The following TRPC6 variants were observed in gnomAD, a reference collection of about 807,000 sequenced individuals.
TRPC6 encodes the protein short transient receptor potential channel 6.
TRPC6 carries 55 observed loss-of-function variants against 90.7 expected under a neutral mutation model. The observed-to-expected ratio is 0.61, with a 90% CI of 0.49 to 0.76. TRPC6 has a LOEUF of 0.76. Ranked by LOEUF, TRPC6 falls within the 30% of genes least tolerant of loss-of-function variation. TRPC6 has a pLI of 0.00. For missense variants in TRPC6, 989 were observed against 1,122.7 expected, an observed-to-expected ratio of 0.88 and a Z score of 1.70; for synonymous variants, 393 against 393.0, an observed-to-expected ratio of 1.00 and a Z score of 0.00.
At chr11:101,514,467 C>A (rs140231667) in intron 1 of TRPC6, among the ~76,000 whole-genome samples, 14 of 152,172 alleles carry the variant, frequency 9.2e-5, no homozygotes, top group Admixed American at 2.0e-4. Flanking sequence ...AGACTCAGCC[C>A]GCAGGCAGAG....
intron 1 of TRPC6, among the ~76,000 whole-genome samples, chr11:101,576,678 G>A (rs1316894212): frequency 6.6e-6 from 1 of 152,148 alleles, no homozygotes; most frequent in Non-Finnish European, 1.5e-5. Flanking sequence ...CATTTTTTAT[G>A]AAAGAGGGAG....
chr11:101,470,834 A>G (rs1486179011), intron 9 of TRPC6, among the ~76,000 whole-genome samples: 1 of 115,110 alleles, frequency 8.7e-6, no homozygotes, highest in Non-Finnish European at 1.7e-5. Flanking sequence ...GAGTCATAAC[A>G]AGCTGCTGCC....
chr11:101,579,124 A>C (rs918034243), intron 1 of TRPC6, among the ~76,000 whole-genome samples: 3 of 151,864 alleles, frequency 2.0e-5, no homozygotes, highest in Non-Finnish European at 2.9e-5. Context: ...TAGCTCCATT[A>C]CTCTTAACGA....
At chr11:101,472,656 C>T (rs958190821) in intron 7 of TRPC6, among the ~76,000 whole-genome samples, 14 of 152,080 alleles carry the variant, frequency 9.2e-5, no homozygotes, top group African/African-American at 2.4e-4. Flanking sequence ...TGTTAGAATC[C>T]TTTTAGGTTT....
At chr11:101,453,254 T>G (rs1288356320) in intron 12 of TRPC6, 148 bp from the exon 13 acceptor site, 3 of 823,542 alleles carry the variant, frequency 3.6e-6, no homozygotes, top group Non-Finnish European at 3.9e-6. Context: ...ATTGAGCAGG[T>G]TTTTGTTTTC....
At chr11:101,573,921 CGTGTGTGTGTGT>C (rs58766729) in intron 1 of TRPC6, among the ~76,000 whole-genome samples, 6 of 131,978 alleles carry the variant, frequency 4.5e-5, no homozygotes, top group Non-Finnish European at 6.5e-5. Flanking sequence ...GAAACAAATA[CGTGTGTGTGTGT>C]GTGTGTGTGT....
chr11:101,528,574 A>AT (rs1860836745), intron 1 of TRPC6, among the ~76,000 whole-genome samples: 1 of 152,250 alleles, frequency 6.6e-6, no homozygotes, highest in Non-Finnish European at 1.5e-5. Context: ...ATATGCACTC[A>AT]ATAAATGTGT....
intron 2 of TRPC6, among the ~76,000 whole-genome samples, chr11:101,492,197 GCTGA>G (rs1488971091): frequency 6.6e-6 from 1 of 151,996 alleles, no homozygotes; most frequent in Non-Finnish European, 1.5e-5. Flanking sequence ...TGCAGTTTCT[GCTGA>G]CTGACCTCTA....
intron 1 of TRPC6, among the ~76,000 whole-genome samples, chr11:101,540,150 C>T (rs777441047): frequency 3.9e-5 from 6 of 152,182 alleles, no homozygotes; most frequent in African/African-American, 1.4e-4. Flanking sequence ...CTAGGAAATG[C>T]TGAGACAATT....
chr11:101,581,356 G>C (rs115199436), intron 1 of TRPC6, among the ~76,000 whole-genome samples: 131 of 152,294 alleles, frequency 8.6e-4, no homozygotes, highest in African/African-American at 3.0e-3. Context: ...CACATTTGAA[G>C]AAAGCACTGG....
intron 1 of TRPC6, among the ~76,000 whole-genome samples, chr11:101,562,085 C>A (rs1351714806): frequency 2.6e-5 from 4 of 151,930 alleles, no homozygotes; most frequent in African/African-American, 9.7e-5. Flanking sequence ...AAATGAATAT[C>A]CTGGGAAACT....
At chr11:101,503,591 C>T (rs937538874) in intron 2 of TRPC6, among the ~76,000 whole-genome samples, 2 of 152,192 alleles carry the variant, frequency 1.3e-5, no homozygotes, top group African/African-American at 4.8e-5. Flanking sequence ...CTGACCTCAA[C>T]AGCATCTATC....
At position 101,461,212 on chromosome 11, in the gene TRPC6, T is replaced by C. The variant is rs1344925739; in HGVS notation, c.2485-6111A>G. 1.3e-5 allele frequency among the ~76,000 whole-genome samples: 2 copies of C among 152,228 alleles called. 1 individual carries two copies. Among genetic ancestry groups the C allele is most frequent in the Admixed American group, 1.3e-4 (2 of 15,280 alleles). On this transcript the variant is annotated intron_variant, in intron 10 of 12. Transcript: ENST00000344327. ...CTTACTCCAGTTTTCTTATGTGATA[T>C]GTGCAGATAATTTACTTCACACAAA...
intron 1 of TRPC6, among the ~76,000 whole-genome samples, chr11:101,573,507 T>C (rs975490396): frequency 3.9e-5 from 6 of 152,144 alleles, no homozygotes; most frequent in African/African-American, 9.7e-5. Flanking sequence ...CTAATGTAAA[T>C]AAAGCTAGGG....
chr11:101,526,639 G>C (rs1860785347), intron 1 of TRPC6, among the ~76,000 whole-genome samples: 2 of 151,876 alleles, frequency 1.3e-5, no homozygotes, highest in Non-Finnish European at 2.9e-5. Flanking sequence ...GAGGCAGGCA[G>C]ATCACGAGGT....
chr11:101,531,895 T>C (rs1420670986), intron 1 of TRPC6, among the ~76,000 whole-genome samples: 1 of 152,150 alleles, frequency 6.6e-6, no homozygotes, highest in Non-Finnish European at 1.5e-5. Context: ...AAGCATTCTC[T>C]CCCTCTCCTA....
At chr11:101,546,886 G>A (rs892870966) in intron 1 of TRPC6, among the ~76,000 whole-genome samples, 1 of 152,094 alleles carries the variant, frequency 6.6e-6, no homozygotes, top group Non-Finnish European at 1.5e-5. Flanking sequence ...GTAATAAAAT[G>A]AACTAGAGAG....
intron 10 of TRPC6, among the ~76,000 whole-genome samples, chr11:101,457,218 G>T (rs1156774009): frequency 2.0e-5 from 3 of 152,156 alleles, no homozygotes; most frequent in African/African-American, 7.2e-5. Context: ...AGGACTGGAT[G>T]CAAGCTTTGT....
chr11:101,491,858 T>TTTTTTTTTA (rs1859828018), intron 2 of TRPC6, 120 bp from the exon 3 acceptor site: 1 of 721,744 alleles, frequency 1.4e-6, no homozygotes, highest in African/African-American at 2.2e-5. Flanking sequence ...TTTTTTTTTT[T>TTTTTTTTTA]GAGACGGAGC....
Sources: allele counts gnomAD v4.1 joint callset (sites outside exome capture counted in the v4.1 genomes callset), GRCh38; gene constraint gnomAD v4.1.1; transcripts MANE v1.5; gene names NCBI Gene and HGNC (gene_info 2026-07-23, HGNC 2026-07-21).